Variants in SERPINB11 observed in about 807,000 individuals in gnomAD.
SERPINB11 encodes serpin family B member 11, also known as serpin B11.
A neutral mutation model predicts 36.7 loss-of-function variants in SERPINB11; 32 were observed. The observed-to-expected ratio is 0.87, with a 90% CI of 0.66 to 1.17. SERPINB11 has a LOEUF of 1.17. Ranked by LOEUF, SERPINB11 falls within the 50% of genes most tolerant of loss-of-function variation. SERPINB11 has a pLI of 0.00. For synonymous variants in SERPINB11, 174 were observed against 168.1 expected (o/e 1.04, Z -0.27); for missense variants, 528 against 458.4 (o/e 1.15, Z -1.39).
At chr18:63,705,800 C>T (rs1246492102) in intron 1 of SERPINB11, 1 of 152,174 alleles carries the variant, frequency 6.6e-6, no homozygotes, top group Non-Finnish European at 1.5e-5. Flanking sequence ...CGTTACTTTC[C>T]AGAATGCAAC....
chr18:63,711,416 G>A (rs746478041), intron 3 of SERPINB11, 22 bp downstream of exon 3: 1 of 1,535,108 alleles, frequency 6.5e-7, no homozygotes, highest in South Asian at 1.1e-5. Context: ...TTACTGAGTT[G>A]TCAAATGCTC....
At chr18:63,709,543 G>A (rs1286855272) in intron 1 of SERPINB11, among the ~76,000 whole-genome samples, 4 of 151,572 alleles carry the variant, frequency 2.6e-5, no homozygotes, top group East Asian at 1.9e-4. Flanking sequence ...CCCAGGAGGC[G>A]GAGCTTGCAG....
chr18:63,708,347 T>A (rs1324092631), intron 1 of SERPINB11, among the ~76,000 whole-genome samples: 1 of 151,944 alleles, frequency 6.6e-6, no homozygotes, highest in East Asian at 1.9e-4. Flanking sequence ...AAGACTGGAG[T>A]AGAAAGAAGA....
At chr18:63,719,488 T>C (rs894775234) in intron 5 of SERPINB11, among the ~76,000 whole-genome samples, 20 of 152,278 alleles carry the variant, frequency 1.3e-4, no homozygotes, top group Middle Eastern at 3.4e-3. Flanking sequence ...TGATCAGTTT[T>C]ATTTACAAAG....
At position 63,711,335 on chromosome 18, in the gene SERPINB11, G is replaced by A. The variant is rs746574229; in HGVS notation, c.169G>A (p.Val57Met). 5.6e-6 allele frequency: 9 copies of A among 1,606,564 alleles called. No individual in the cohort carries two copies. The highest frequency in any genetic ancestry group is 7.7e-6 in the Non-Finnish European group (9 of 1,175,030). Residue 57 changes from valine to methionine, a missense_variant and splice_region_variant, in exon 3 of 8, where the codon GTG (valine) becomes ATG (methionine). Physicochemically the swap from Val to Met is conservative, Grantham distance 21. Coordinates refer to ENST00000544088, the MANE Select transcript of SERPINB11 (RefSeq NM_001370475.1). ...RGETEEQLEK[V>M]LHFSHTVDSL... is the part of the protein sequence containing the mutation. ...AAGATCCCTTTTTTTTCTTTTCTAG[G>A]TGCTTCATTTTAGTCATACTGTAGA...
intron 1 of SERPINB11, among the ~76,000 whole-genome samples, chr18:63,707,783 A>G (rs1914410327): frequency 6.6e-6 from 1 of 152,230 alleles, no homozygotes; most frequent in Non-Finnish European, 1.5e-5. Context: ...CTATGGATAG[A>G]GCTTGTCTAG....
intron 1 of SERPINB11, among the ~76,000 whole-genome samples, chr18:63,705,949 C>A (rs935141678): frequency 1.3e-5 from 2 of 152,212 alleles, no homozygotes; most frequent in African/African-American, 4.8e-5. Context: ...TATTACCACA[C>A]ATAATACAGA....
At chr18:63,707,571 T>C (rs1043768031) in intron 1 of SERPINB11, among the ~76,000 whole-genome samples, 7 of 152,224 alleles carry the variant, frequency 4.6e-5, no homozygotes, top group Non-Finnish European at 8.8e-5. Flanking sequence ...TACATGTATA[T>C]ACCTAGGTGA....
chr18:63,710,273 A>T lies in SERPINB11; in HGVS notation c.80A>T (p.Asn27Ile), dbSNP rs1914484155. Residue 27 changes from asparagine (N) to isoleucine (I), a missense_variant, in exon 2 of 8, where the codon AAC becomes ATC. Coordinates refer to ENST00000544088, the MANE Select transcript of SERPINB11 (RefSeq NM_001370475.1). ...CTGAACAGTAACAACATAGGAGATA[A>T]CATCTTCTTTTCTTCGCTGAGTCTG... ...KELNSNNIGD[N>I]IFFSSLSLLY... The T allele has an allele frequency of 1.2e-6, 2 of 1,613,712 alleles. No individual in the cohort carries two copies. The highest frequency in any genetic ancestry group is 2.7e-5 in the African/African-American group (2 of 74,940).
intron 5 of SERPINB11, among the ~76,000 whole-genome samples, chr18:63,719,657 G>C (rs1335548063): frequency 6.6e-6 from 1 of 151,998 alleles, no homozygotes; most frequent in East Asian, 1.9e-4. Flanking sequence ...TAAGTATAAA[G>C]TCTTGTAAAT....
At chr18:63,702,592 A>G (rs985738615), upstream of SERPINB11, among the ~76,000 whole-genome samples, 8 of 152,134 alleles carry the variant, frequency 5.3e-5, no homozygotes, top group African/African-American at 1.9e-4. Flanking sequence ...AAATAAATAA[A>G]TAGAAAAAGA....
At chr18:63,721,547 G>A (rs534896207) in intron 7 of SERPINB11, among the ~76,000 whole-genome samples, 25 of 152,324 alleles carry the variant, frequency 1.6e-4, no homozygotes, top group Admixed American at 5.9e-4. Flanking sequence ...ACAGCTGGAC[G>A]TCTGGAAGCC....
Position 63,723,394 on chromosome 18 carries a change from C to G in SERPINB11, c.1174C>G (p.Pro392Ala), listed in dbSNP as rs1303960226. 1 of 1,599,692 alleles carries G rather than the reference C, an allele frequency of 6.3e-7. No individual in the cohort carries two copies. The highest frequency in any genetic ancestry group is 1.7e-5 in the Admixed American group (1 of 59,094). ...CCTATTCTGTGGCAAGCTTGCCTCT[C>G]CCTAATCAGATGGGGTTGAGCAAGG... is the stretch of plus-strand genomic sequence containing the variant. ...TILFCGKLAS[P>A] Residue 392 changes from proline (P) to alanine (A), a missense_variant, in exon 8 of 8, where the codon CCC becomes GCC. Transcript: ENST00000544088.
In SERPINB11 at chr18:63,712,606, A is replaced by T. The variant is rs1914555984; in HGVS notation, c.270A>T (p.Glu90Asp). 3 of 1,613,586 alleles carry T rather than the reference A, an allele frequency of 1.9e-6. No individual in the cohort carries two copies. The highest frequency in any genetic ancestry group is 2.5e-6 in the Non-Finnish European group (3 of 1,179,696). The change falls in exon 4 of 8, where the codon GAA becomes GAT. Residue 90 changes from glutamate (E) to aspartate (D), a missense_variant. Glu to Asp is a conservative substitution (Grantham distance 45). Coordinates refer to ENST00000544088, the MANE Select transcript of SERPINB11 (RefSeq NM_001370475.1). ...AGRIHSEFGV[E>D]FSQINQPDSN... ...GAATTCATTCCGAGTTTGGTGTCGA[A>T]TTCTCTCAAATCAACCAGCCAGACT...
At chr18:63,722,722 G>A (rs2144553046) in intron 7 of SERPINB11, among the ~76,000 whole-genome samples, 1 of 152,314 alleles carries the variant, frequency 6.6e-6, no homozygotes, top group East Asian at 1.9e-4. Context: ...TGGGAGAAGT[G>A]CAGTGAAGCA....
intron 4 of SERPINB11, among the ~76,000 whole-genome samples, chr18:63,712,998 A>G (rs994799267): frequency 6.6e-6 from 1 of 152,232 alleles, no homozygotes; most frequent in Admixed American, 6.5e-5. Flanking sequence ...TCAATTTTTC[A>G]TATCTTTTTC....
intron 2 of SERPINB11, 23 bp downstream of exon 2, chr18:63,710,384 G>T (rs747547524): frequency 1.5e-5 from 24 of 1,590,578 alleles, no homozygotes; most frequent in Non-Finnish European, 2.1e-5. Flanking sequence ...TCAGAGGTTT[G>T]TTCAGAACCC....
Position 63,720,008 on chromosome 18 carries a change from A to G in SERPINB11, c.476-5A>G. Reference sequence around the variant, plus strand: ...CAAATATAATTATCTTATTTTTTATACAAGGAAAAGTCGCAAATCTCTTTG... The same window carrying G: ...CAAATATAATTATCTTATTTTTTATGCAAGGAAAAGTCGCAAATCTCTTTG... On this transcript the variant is annotated splice_region_variant and splice_polypyrimidine_tract_variant and intron_variant, in intron 5 of 7. Coordinates refer to ENST00000544088, the MANE Select transcript of SERPINB11 (RefSeq NM_001370475.1). 1.9e-6 allele frequency: 3 copies of G among 1,589,588 alleles called. No homozygotes were observed. Among genetic ancestry groups the G allele is most frequent in the Non-Finnish European group, 2.6e-6 (3 of 1,170,376 alleles).
At chr18:63,716,998 A>G (rs931697258) in intron 5 of SERPINB11, among the ~76,000 whole-genome samples, 3 of 152,148 alleles carry the variant, frequency 2.0e-5, no homozygotes, top group Non-Finnish European at 4.4e-5. Context: ...ATAAGACATT[A>G]GTTGTTAGAA....
Sources: gnomAD v4.1 joint callset for allele counts (sites outside exome capture counted in the v4.1 genomes callset) on GRCh38, gnomAD v4.1.1 for gene constraint, MANE v1.5 for transcripts, NCBI Gene and HGNC (gene_info 2026-07-23, HGNC 2026-07-21) for gene names.